Variants in SLC22A25 observed in about 807,000 individuals in gnomAD.
SLC22A25 encodes the protein MGI:2442751, MGI:2385316, MGI:3042283, MGI:3645714, MGI:3605624, MGI:2442750.
Under a neutral mutation model 45.9 loss-of-function variants are expected in SLC22A25, and 44 were observed. The observed-to-expected ratio is 0.96, with a 90% CI of 0.75 to 1.23. The LOEUF (loss-of-function observed/expected upper bound fraction) is 1.23, where lower values mean the gene tolerates loss of function less well. SLC22A25 is among the 50% of genes most tolerant of loss of function. The pLI, the probability that SLC22A25 is intolerant of heterozygous loss-of-function variation, is 0.00. For missense variants in SLC22A25, 800 were observed against 666.4 expected (o/e 1.20, Z -2.21); for synonymous variants, 283 against 238.6 (o/e 1.19, Z -1.72).
chr11:63,181,304 A>G (rs1216022414), intron 8 of SLC22A25, among the ~76,000 whole-genome samples: 5 of 152,006 alleles, frequency 3.3e-5, no homozygotes, highest in African/African-American at 4.8e-5. Flanking sequence ...GTTTTAGGGT[A>G]CATGATATAC....
intron 7 of SLC22A25, among the ~76,000 whole-genome samples, chr11:63,187,046 A>G (rs2088582806): frequency 1.3e-5 from 2 of 152,128 alleles, no homozygotes; most frequent in Non-Finnish European, 2.9e-5. Context: ...TTGGTTCCAT[A>G]TGAACTTTAA....
At chr11:63,191,021 C>T (rs2088789793) in intron 7 of SLC22A25, among the ~76,000 whole-genome samples, 1 of 152,228 alleles carries the variant, frequency 6.6e-6, no homozygotes, top group South Asian at 2.1e-4. Flanking sequence ...GGCAGTCTGC[C>T]CATTCTCAGA....
intron 8 of SLC22A25, among the ~76,000 whole-genome samples, chr11:63,181,340 C>G (rs886345876): frequency 2.0e-5 from 3 of 151,606 alleles, no homozygotes; most frequent in Non-Finnish European, 1.5e-5. Context: ...GTGCTGCACC[C>G]ATTAACTCGT....
chr11:63,166,046 T>A lies in SLC22A25; in HGVS notation c.1283A>T (p.Gln428Leu). Residue 428 changes from glutamine to leucine, a missense_variant and splice_region_variant, in exon 10 of 12, where the codon CAA becomes CTA. Coordinates refer to ENST00000306494, the MANE Select transcript of SLC22A25 (RefSeq NM_199352.6). ...TCLLAIIFVP[Q>L]EMQTLRVVLA... ...TTCCACCTGTGAACTTTTCTCACCT[T>A]GAGGCACAAATATGATGGCCAGAAG... is the stretch of plus-strand genomic sequence containing the variant. 6.2e-7 allele frequency: 1 copy of A among 1,613,604 alleles called. No homozygotes were observed. The highest frequency in any genetic ancestry group is 8.5e-7 in the Non-Finnish European group (1 of 1,179,622).
At chr11:63,193,733 C>T (rs1429434562) in intron 7 of SLC22A25, among the ~76,000 whole-genome samples, 1 of 152,214 alleles carries the variant, frequency 6.6e-6, no homozygotes, top group Non-Finnish European at 1.5e-5. Context: ...GCTGAAAATT[C>T]TAATAACCAG....
At chr11:63,175,635 G>A (rs953963332) in intron 9 of SLC22A25, among the ~76,000 whole-genome samples, 21 of 151,662 alleles carry the variant, frequency 1.4e-4, no homozygotes, top group African/African-American at 4.8e-4. Context: ...TCCTTTCATC[G>A]TTTGTGCTTT....
chr11:63,229,219 T>G, intron 4 of SLC22A25, 32 bp downstream of exon 4: 1 of 1,489,342 alleles, frequency 6.7e-7, no homozygotes, highest in South Asian at 1.5e-5. Flanking sequence ...AGCCAGGTCA[T>G]GTACACAAGA....
chr11:63,197,905 G>C (rs1017730737), intron 7 of SLC22A25, among the ~76,000 whole-genome samples: 3 of 152,028 alleles, frequency 2.0e-5, no homozygotes, highest in African/African-American at 7.3e-5. Flanking sequence ...CCGTCAAAAA[G>C]TGGGCGAAGG....
intron 3 of SLC22A25, among the ~76,000 whole-genome samples, chr11:63,234,301 C>G (rs59019924): frequency 0.34 from 51,801 of 151,958 alleles, 9,214 homozygotes; most frequent in East Asian, 0.56. Context: ...TAAGGACTAG[C>G]TTTATGAATC....
intron 5 of SLC22A25, among the ~76,000 whole-genome samples, chr11:63,227,154 C>T (rs527905907): frequency 6.6e-6 from 1 of 152,186 alleles, no homozygotes; most frequent in Admixed American, 6.5e-5. Context: ...GAGCTGGTAC[C>T]TAAGGTGCAA....
At chr11:63,220,618 C>G (rs1475302221) in intron 5 of SLC22A25, among the ~76,000 whole-genome samples, 1 of 152,198 alleles carries the variant, frequency 6.6e-6, no homozygotes, top group Non-Finnish European at 1.5e-5. Flanking sequence ...GTGTTACAAA[C>G]AATCCAATTA....
chr11:63,165,977 G>T, intron 10 of SLC22A25, 67 bp downstream of exon 10: 2 of 1,561,532 alleles, frequency 1.3e-6, no homozygotes, highest in South Asian at 1.2e-5. Flanking sequence ...AGATAGGTGT[G>T]ACCAGGGCAA....
Position 63,243,469 on chromosome 11 carries a change from G to A in SLC22A25, c.-1031C>T, listed in dbSNP as rs1590932200. On this transcript the variant is annotated 5_prime_UTR_variant, in exon 1 of 12. Transcript: ENST00000306494. The stretch of plus-strand genomic sequence containing the variant: ...TCTTCGCCAGGATCCCAACTTCAAA[G>A]TCCCATCTGCAACTCCTGGGTGCTG... 2.6e-6 allele frequency: 2 copies of A among 761,452 alleles called. No homozygotes were observed. The highest frequency in any genetic ancestry group is 3.4e-5 in the Admixed American group (2 of 58,000). 47.2% of individuals were successfully genotyped at this position (761,452 alleles called of 1,614,324 possible).
Position 63,161,144 on chromosome 11 carries a change from C to T in SLC22A25, c.*2680G>A, listed in dbSNP as rs1289946300. On this transcript the variant is annotated 3_prime_UTR_variant, in exon 12 of 12. Coordinates refer to ENST00000306494, the MANE Select transcript of SLC22A25 (RefSeq NM_199352.6). ...TTCCCATGTAGTCAGTGCCTTTTAT[C>T]TAGGTACAGCCTCATCCTTTTGTTT... Among the ~76,000 whole-genome samples the T allele has an allele frequency of 6.6e-6, 1 of 152,112 alleles. No homozygotes were observed. The highest frequency in any genetic ancestry group is 1.9e-4 in the East Asian group (1 of 5,186).
chr11:63,181,575 T>C (rs763815175), intron 8 of SLC22A25, among the ~76,000 whole-genome samples: 2 of 151,966 alleles, frequency 1.3e-5, no homozygotes, highest in Non-Finnish European at 2.9e-5. Context: ...GAAGAACAAG[T>C]TTCAACAGGG....
intron 5 of SLC22A25, among the ~76,000 whole-genome samples, chr11:63,222,191 T>C (rs564854186): frequency 3.3e-5 from 5 of 152,262 alleles, no homozygotes; most frequent in Admixed American, 1.3e-4. Flanking sequence ...TTGATAGAGA[T>C]TGCATTGAAT....
Position 63,203,992 on chromosome 11 carries a change from G to A in SLC22A25, c.830+13322C>T, listed in dbSNP as rs2089324061. ...AAACCCTACAAGCCAGAAGAGAGTG[G>A]GAGCCAATAATCAACACTCTTAAAG... is the stretch of plus-strand genomic sequence containing the variant. On this transcript the variant is annotated intron_variant, in intron 7 of 11. Coordinates refer to ENST00000306494, the MANE Select transcript of SLC22A25 (RefSeq NM_199352.6). 2.0e-5 allele frequency among the ~76,000 whole-genome samples: 3 copies of A among 152,182 alleles called. No individual in the cohort carries two copies. The South Asian group carries it at 6.2e-4, about 32-fold the overall frequency.
intron 7 of SLC22A25, among the ~76,000 whole-genome samples, chr11:63,201,424 A>G (rs970853530): frequency 4.6e-5 from 7 of 152,204 alleles, no homozygotes; most frequent in African/African-American, 1.7e-4. Flanking sequence ...TCCCTATTCA[A>G]TAAATGGTGC....
intron 7 of SLC22A25, among the ~76,000 whole-genome samples, chr11:63,208,901 G>A (rs2089482164): frequency 6.6e-6 from 1 of 152,106 alleles, no homozygotes; most frequent in East Asian, 1.9e-4. Context: ...GACCCGGTCT[G>A]GTGGACCCAA....
Sources: allele counts gnomAD v4.1 joint callset (sites outside exome capture counted in the v4.1 genomes callset), GRCh38; gene constraint gnomAD v4.1.1; transcripts MANE v1.5; gene names NCBI Gene and HGNC (gene_info 2026-07-23, HGNC 2026-07-21).